The following SMAD2 variants were observed in gnomAD, a reference collection of about 807,000 sequenced individuals.
SMAD2 encodes the protein SMAD family member 2.
A neutral mutation model predicts 64.4 loss-of-function variants in SMAD2; 8 were observed. The ratio of observed to expected loss-of-function variants is 0.12; its 90% CI spans 0.07 to 0.22. SMAD2 has a LOEUF of 0.22. SMAD2 is among the 10% of genes least tolerant of loss of function. The pLI is 1.00. For missense variants in SMAD2, 289 were observed against 561.2 expected (o/e 0.51, Z 4.90); for synonymous variants, 203 against 195.8 (o/e 1.04, Z -0.31).
At chr18:47,869,647 T>C (rs1020965794) in intron 3 of SMAD2, among the ~76,000 whole-genome samples, 3 of 152,136 alleles carry the variant, frequency 2.0e-5, no homozygotes, top group African/African-American at 7.2e-5. Flanking sequence ...CTTATAAATA[T>C]GTCACATAAA....
At position 47,823,109 on chromosome 18, in the gene SMAD2, A is replaced by T. The variant is rs934425040; in HGVS notation, c.*18718T>A. The T allele has an allele frequency of 1.3e-5, 2 of 152,212 alleles. No homozygotes were observed. Among genetic ancestry groups the T allele is most frequent in the Non-Finnish European group, 2.9e-5 (2 of 68,042 alleles). 9.4% of individuals were successfully genotyped at this position (152,212 alleles called of 1,614,324 possible). A position where few individuals can be genotyped will look rare whatever the true frequency, so the allele number is the denominator to read the frequency against. ...TTACCAAGGCTTTGATTAAAATGTC[A>T]TATTTGAGAATGTGTAGAATGCCTG... On this transcript the variant is annotated 3_prime_UTR_variant, in exon 11 of 11. Coordinates refer to ENST00000262160, the MANE Select transcript of SMAD2 (RefSeq NM_005901.6).
intron 6 of SMAD2, among the ~76,000 whole-genome samples, chr18:47,860,980 G>T (rs2031133333): frequency 6.6e-6 from 1 of 152,088 alleles, no homozygotes; most frequent in Admixed American, 6.6e-5. Context: ...ATGCAAAAAT[G>T]TCCATTCTTA....
chr18:47,844,200 A>G (rs1234933723), intron 10 of SMAD2, among the ~76,000 whole-genome samples: 2 of 152,184 alleles, frequency 1.3e-5, no homozygotes, highest in Non-Finnish European at 2.9e-5. Context: ...ACAAATATAT[A>G]CCATATATTT....
At chr18:47,854,410 C>G (rs971419445) in intron 6 of SMAD2, among the ~76,000 whole-genome samples, 6 of 141,586 alleles carry the variant, frequency 4.2e-5, no homozygotes, top group Non-Finnish European at 9.7e-5. Context: ...TTTCATCTCA[C>G]TAAGAATTTA....
rs1016549346 is a variant in SMAD2, at chr18:47,822,222, T to C, written c.*19605A>G. On this transcript the variant is annotated 3_prime_UTR_variant, in exon 11 of 11. Coordinates refer to ENST00000262160, the MANE Select transcript of SMAD2 (RefSeq NM_005901.6). ...CCACAAAAATAACCAAAACTCTTTG[T>C]CTATTTCTGGTTATGGTAAACTCTC... 1.3e-5 allele frequency: 2 copies of C among 152,236 alleles called. No individual in the cohort carries two copies. The highest frequency in any genetic ancestry group is 2.9e-5 in the Non-Finnish European group (2 of 68,042). 9.4% of individuals were successfully genotyped at this position (152,236 alleles called of 1,614,324 possible). A position where few individuals can be genotyped will look rare whatever the true frequency, so the allele number is the denominator to read the frequency against.
At chr18:47,919,505 C>G (rs1207764589) in intron 1 of SMAD2, among the ~76,000 whole-genome samples, 1 of 134,976 alleles carries the variant, frequency 7.4e-6, no homozygotes, top group South Asian at 2.4e-4. Context: ...CACACACACA[C>G]ACACACACAC....
At chr18:47,929,884 G>A (rs2034928263) in intron 1 of SMAD2, among the ~76,000 whole-genome samples, 2 of 152,228 alleles carry the variant, frequency 1.3e-5, no homozygotes, top group South Asian at 4.1e-4. Flanking sequence ...ACTTTCACAA[G>A]TGAGTGAAGG....
intron 1 of SMAD2, among the ~76,000 whole-genome samples, chr18:47,916,008 T>C (rs960413462): frequency 1.3e-5 from 2 of 152,264 alleles, no homozygotes; most frequent in Admixed American, 6.5e-5. Context: ...TGCTTTCCCG[T>C]TGTCCATCAA....
chr18:47,893,583 G>A (rs1045997612), intron 2 of SMAD2, among the ~76,000 whole-genome samples: 6 of 152,112 alleles, frequency 3.9e-5, no homozygotes, highest in African/African-American at 1.4e-4. Flanking sequence ...TTTAAGCTAA[G>A]GTTTGGATTT....
At position 47,823,895 on chromosome 18, in the gene SMAD2, C is replaced by T. The variant is rs1468279347; in HGVS notation, c.*17932G>A. 1 of 152,090 alleles carries T rather than the reference C, an allele frequency of 6.6e-6. No individual in the cohort carries two copies. Among genetic ancestry groups the T allele is most frequent in the East Asian group, 1.9e-4 (1 of 5,188 alleles). The allele number at this position is 152,090 out of a possible 1,614,324, so 9.4% of individuals were successfully genotyped here. ...AAGTACAATTCCTAACAGAATAATGCTAGCCCAGCACTTTGAGGGGACAAC... is the reference window on the plus strand; with the variant it reads ...AAGTACAATTCCTAACAGAATAATGTTAGCCCAGCACTTTGAGGGGACAAC... On this transcript the variant is annotated 3_prime_UTR_variant, in exon 11 of 11. Transcript: ENST00000262160.
chr18:47,836,441 C>T lies in SMAD2; in HGVS notation c.*5386G>A, dbSNP rs1310997283. The T allele has an allele frequency of 1.8e-5, 4 of 220,648 alleles. No homozygotes were observed. Among genetic ancestry groups the T allele is most frequent in the Non-Finnish European group, 3.6e-5 (4 of 110,314 alleles). The allele number at this position is 220,648 out of a possible 1,614,324, so 13.7% of individuals were successfully genotyped here. A position where few individuals can be genotyped will look rare whatever the true frequency, so the allele number is the denominator to read the frequency against. ...GCCAAAAAATGGTATATTAAATGAA[C>T]TGCCAAATGGCAGATTAAGAAAATT... On this transcript the variant is annotated 3_prime_UTR_variant, in exon 11 of 11. Coordinates refer to ENST00000262160, the MANE Select transcript of SMAD2 (RefSeq NM_005901.6).
At chr18:47,924,792 G>A (rs551511605) in intron 1 of SMAD2, among the ~76,000 whole-genome samples, 3 of 152,184 alleles carry the variant, frequency 2.0e-5, no homozygotes, top group Admixed American at 6.5e-5. Context: ...AATGAAAGAC[G>A]TGATGAGGAT....
At chr18:47,855,873 G>T (rs2030630087) in intron 6 of SMAD2, among the ~76,000 whole-genome samples, 1 of 152,100 alleles carries the variant, frequency 6.6e-6, no homozygotes, top group Non-Finnish European at 1.5e-5. Flanking sequence ...TGAAAAAGCT[G>T]ATTGTCTAAT....
At chr18:47,875,818 G>A (rs2032231830) in intron 2 of SMAD2, among the ~76,000 whole-genome samples, 1 of 151,998 alleles carries the variant, frequency 6.6e-6, no homozygotes, top group African/African-American at 2.4e-5. Flanking sequence ...AAGACTAAAT[G>A]GATTAGGGAC....
In SMAD2 at chr18:47,833,703, T is replaced by C. The variant is rs900089416; in HGVS notation, c.*8124A>G. 1.3e-5 allele frequency: 3 copies of C among 231,024 alleles called. No homozygotes were observed. The highest frequency in any genetic ancestry group is 2.2e-5 in the African/African-American group (1 of 45,212). 14.3% of individuals were successfully genotyped at this position (231,024 alleles called of 1,614,324 possible). A position where few individuals can be genotyped will look rare whatever the true frequency, so the allele number is the denominator to read the frequency against. ...GGACACCCAATTCCTTCACTTGCCA[T>C]TGGCTGATGCATTTAATCATTTTAA... On this transcript the variant is annotated 3_prime_UTR_variant, in exon 11 of 11. Coordinates refer to ENST00000262160, the MANE Select transcript of SMAD2 (RefSeq NM_005901.6).
chr18:47,918,023 A>G (rs1568115118), intron 1 of SMAD2, among the ~76,000 whole-genome samples: 1 of 152,234 alleles, frequency 6.6e-6, no homozygotes, highest in Non-Finnish European at 1.5e-5. Flanking sequence ...ATTAACACAG[A>G]AACCTCAAAA....
chr18:47,836,275 G>A lies in SMAD2; in HGVS notation c.*5552C>T, dbSNP rs1913404394. Reference sequence around the variant, plus strand: ...GAAGAATTAAAGAGGGAGCAATCTAGTATTATCAACAACAACAAAGTTAAC... The same window carrying A: ...GAAGAATTAAAGAGGGAGCAATCTAATATTATCAACAACAACAAAGTTAAC... On this transcript the variant is annotated 3_prime_UTR_variant, in exon 11 of 11. Coordinates refer to ENST00000262160, the MANE Select transcript of SMAD2 (RefSeq NM_005901.6). 4.5e-6 allele frequency: 1 copy of A among 223,732 alleles called. No individual in the cohort carries two copies. Among genetic ancestry groups the A allele is most frequent in the Non-Finnish European group, 8.9e-6 (1 of 112,156 alleles). The allele number at this position is 223,732 out of a possible 1,614,324, so 13.9% of individuals were successfully genotyped here. A position where few individuals can be genotyped will look rare whatever the true frequency, so the allele number is the denominator to read the frequency against.
Position 47,826,136 on chromosome 18 carries a change from C to T in SMAD2, c.*15691G>A, listed in dbSNP as rs1912745400. On this transcript the variant is annotated 3_prime_UTR_variant, in exon 11 of 11. Coordinates refer to ENST00000262160, the MANE Select transcript of SMAD2 (RefSeq NM_005901.6). ...AGAAAACACAATCCTTTGCTTTTGT[C>T]TTCCTTATGTATATTAGATTAGGCT... The T allele has an allele frequency of 6.6e-6, 1 of 152,168 alleles. No individual in the cohort carries two copies. The allele number at this position is 152,168 out of a possible 1,614,324, so 9.4% of individuals were successfully genotyped here.
intron 2 of SMAD2, among the ~76,000 whole-genome samples, chr18:47,890,190 C>T (rs75997371): frequency 0.035 from 5,394 of 152,274 alleles, 127 homozygotes; most frequent in Non-Finnish European, 0.054. Context: ...GTGTGTTTCA[C>T]GTGATACTTG....
Sources: allele counts gnomAD v4.1 joint callset (sites outside exome capture counted in the v4.1 genomes callset), GRCh38; gene constraint gnomAD v4.1.1; transcripts MANE v1.5; gene names NCBI Gene and HGNC (gene_info 2026-07-23, HGNC 2026-07-21).